Variants in MOV10L1 observed in about 807,000 individuals in gnomAD.
The protein encoded by MOV10L1 is RNA helicase Mov10l1.
MOV10L1 carries 110 observed loss-of-function variants against 143.8 expected under a neutral mutation model. That is an observed-to-expected ratio of 0.76 (90% CI 0.66 to 0.90). MOV10L1 has a LOEUF of 0.90. MOV10L1 is among the 40% of genes least tolerant of loss of function. MOV10L1 has a pLI of 0.00. For missense variants in MOV10L1, 1,406 were observed against 1,526.8 expected, an observed-to-expected ratio of 0.92 and a Z score of 1.32; for synonymous variants, 593 against 581.1, an observed-to-expected ratio of 1.02 and a Z score of -0.29.
intron 2 of MOV10L1, among the ~76,000 whole-genome samples, chr22:50,096,794 T>A (rs78500700): frequency 0.027 from 4,057 of 152,322 alleles, 80 homozygotes; most frequent in Non-Finnish European, 0.038. Context: ...TGGAGAAATA[T>A]CTACTCAAAT....
In MOV10L1 at chr22:50,159,909, G is replaced by A. The variant is rs1409380843; in HGVS notation, c.3324+124G>A. ...GCCCAGAGAAGCAGCTGCAGGCGGA[G>A]ACTCCCTAGGTCCAGGAGCCATTGT... On this transcript the variant is annotated intron_variant, in intron 24 of 26. Coordinates refer to ENST00000262794, the MANE Select transcript of MOV10L1 (RefSeq NM_018995.3). The surrounding 1 kb of genome is among the most constrained non-coding windows in gnomAD (Gnocchi z 4.1). 1 of 649,380 alleles carries A rather than the reference G, an allele frequency of 1.5e-6. No individual in the cohort carries two copies. The highest frequency in any genetic ancestry group is 2.7e-6 in the Non-Finnish European group (1 of 370,048). 40.2% of individuals were successfully genotyped at this position (649,380 alleles called of 1,614,324 possible). A position where few individuals can be genotyped will look rare whatever the true frequency, so the allele number is the denominator to read the frequency against.
chr22:50,144,603 A>G (rs2063087618), intron 18 of MOV10L1, among the ~76,000 whole-genome samples: 1 of 147,472 alleles, frequency 6.8e-6, no homozygotes, highest in Non-Finnish European at 1.5e-5. Context: ...TTTTTTTGAG[A>G]CGGAGTCTCG....
Position 50,144,136 on chromosome 22 carries a change from G to A in MOV10L1, c.2398G>A (p.Ala800Thr), listed in dbSNP as rs1426326697. 1 of 1,613,288 alleles carries A rather than the reference G, an allele frequency of 6.2e-7. No individual in the cohort carries two copies. Among genetic ancestry groups the A allele is most frequent in the Admixed American group, 1.7e-5 (1 of 60,020 alleles). Residue 800 changes from alanine to threonine, a missense_variant, in exon 18 of 27, where the codon GCG (alanine) becomes ACG (threonine). Ala to Thr is a moderately conservative substitution (Grantham distance 58). Around this residue, in one of 3 missense-constraint regions of MOV10L1, gnomAD observed 1,233 missense variants for 1,351.4 expected, o/e 0.91. Coordinates refer to ENST00000262794, the MANE Select transcript of MOV10L1 (RefSeq NM_018995.3). ...ALPDSRILVC[A>T]PSNSAADLVC... The stretch of plus-strand genomic sequence containing the variant: ...GCCGGACAGTCGGATTTTAGTCTGT[G>A]CGCCCTCCAACAGTGCTGCTGACCT...
intron 15 of MOV10L1, among the ~76,000 whole-genome samples, chr22:50,135,560 G>T (rs575781057): frequency 7.6e-4 from 115 of 151,844 alleles, no homozygotes; most frequent in African/African-American, 2.7e-3. Context: ...AGACCAGCCT[G>T]GCCAAGATGG....
chr22:50,125,356 C>G, intron 10 of MOV10L1, 36 bp from the exon 11 acceptor site: 1 of 1,597,742 alleles, frequency 6.3e-7, no homozygotes, highest in Non-Finnish European at 8.6e-7. Flanking sequence ...TGCTGCTGAG[C>G]TGTTGCTGAC....
chr22:50,157,785 C>T (rs894895574), intron 22 of MOV10L1, among the ~76,000 whole-genome samples: 48 of 134,570 alleles, frequency 3.6e-4, no homozygotes, highest in African/African-American at 1.1e-3. Flanking sequence ...AAAAAAAGAT[C>T]AGAAATACCA....
chr22:50,154,389 C>T (rs948473458), intron 22 of MOV10L1, among the ~76,000 whole-genome samples: 3 of 151,834 alleles, frequency 2.0e-5, no homozygotes, highest in African/African-American at 7.3e-5. Context: ...AAACTCCCAT[C>T]TCTTAAAAAA....
chr22:50,096,863 G>A (rs534223126), intron 2 of MOV10L1, among the ~76,000 whole-genome samples: 1 of 152,042 alleles, frequency 6.6e-6, no homozygotes, highest in East Asian at 1.9e-4. Context: ...TATATATTCT[G>A]GATATTAATC....
At chr22:50,123,969 T>C (rs2062423891) in intron 10 of MOV10L1, among the ~76,000 whole-genome samples, 1 of 152,224 alleles carries the variant, frequency 6.6e-6, no homozygotes, top group Non-Finnish European at 1.5e-5. Flanking sequence ...TTTCCGTAGA[T>C]TCTGTAGTAA....
At position 50,090,021 on chromosome 22, in the gene MOV10L1, C is replaced by T. The variant is rs1226148596; in HGVS notation, c.-68C>T. The T allele has an allele frequency of 3.0e-5, 34 of 1,132,196 alleles. 1 individual carries two copies. Among genetic ancestry groups the T allele is most frequent in the Non-Finnish European group, 3.6e-5 (33 of 919,986 alleles). The allele number at this position is 1,132,196 out of a possible 1,614,324, so 70.1% of individuals were successfully genotyped here. On this transcript the variant is annotated 5_prime_UTR_variant, in exon 1 of 27. Coordinates refer to ENST00000262794, the MANE Select transcript of MOV10L1 (RefSeq NM_018995.3). ...CGGCGACCCCATTGGTGGCGGGCGG[C>T]GGGAGCGGCGCGGGCGCGTGCGGGC...
At chr22:50,130,272 C>CA (rs2062633681) in intron 13 of MOV10L1, among the ~76,000 whole-genome samples, 1 of 151,518 alleles carries the variant, frequency 6.6e-6, no homozygotes, top group African/African-American at 2.4e-5. Context: ...GACTCTGTCT[C>CA]AAAAAATAAA....
intron 15 of MOV10L1, among the ~76,000 whole-genome samples, chr22:50,141,764 C>T (rs1025187059): frequency 2.6e-5 from 4 of 152,172 alleles, no homozygotes; most frequent in Admixed American, 6.5e-5. Flanking sequence ...ACTGTCCAGC[C>T]TGGAAAGCAG....
At chr22:50,094,079 T>C (rs918374169) in intron 2 of MOV10L1, 3 of 152,250 alleles carry the variant, frequency 2.0e-5, no homozygotes, top group Admixed American at 1.3e-4. Context: ...GCATATGGTA[T>C]TTTTCTGGCT....
At position 50,149,609 on chromosome 22, in the gene MOV10L1, C is replaced by T; in HGVS notation, c.2628-6C>T. 6.2e-7 allele frequency: 1 copy of T among 1,613,560 alleles called. No individual in the cohort carries two copies. Among genetic ancestry groups the T allele is most frequent in the Non-Finnish European group, 8.5e-7 (1 of 1,179,514 alleles). ...GAAATTACCATTTAGAACATCTTTG[C>T]TCTAGAGTTGGGCACTTCACTCACG... On this transcript the variant is annotated splice_region_variant and splice_polypyrimidine_tract_variant and intron_variant, in intron 19 of 26. Transcript: ENST00000262794.
intron 2 of MOV10L1, among the ~76,000 whole-genome samples, chr22:50,092,442 G>A (rs1181830392): frequency 6.6e-6 from 1 of 152,060 alleles, no homozygotes; most frequent in African/African-American, 2.4e-5. Flanking sequence ...GACCAGCCTG[G>A]GCAGCATGGT....
rs376805116 is a variant in MOV10L1, at chr22:50,149,756, G to A, written c.2727+42G>A. ...GTGTGTGCTGCTTCCTCCTCACCCCGTTCTCCTGAGGGGATGCAGGCTGCG... is the reference window on the plus strand; with the variant it reads ...GTGTGTGCTGCTTCCTCCTCACCCCATTCTCCTGAGGGGATGCAGGCTGCG... On this transcript the variant is annotated intron_variant, in intron 20 of 26. Transcript: ENST00000262794. The A allele has an allele frequency of 1.1e-4, 162 of 1,541,554 alleles. 2 individuals are homozygous for A. The highest frequency in any genetic ancestry group is 8.6e-4 in the South Asian group (75 of 86,850).
intron 13 of MOV10L1, among the ~76,000 whole-genome samples, chr22:50,129,970 C>A (rs2062625253): frequency 6.6e-6 from 1 of 152,036 alleles, no homozygotes; most frequent in South Asian, 2.1e-4. Context: ...AGATTTCTTC[C>A]TTATCTTTTA....
At chr22:50,111,477 C>T (rs1370524054) in intron 5 of MOV10L1, among the ~76,000 whole-genome samples, 1 of 128,024 alleles carries the variant, frequency 7.8e-6, no homozygotes, top group Non-Finnish European at 1.6e-5. Context: ...GGTCCCGACT[C>T]TGTCTTTGCT....
chr22:50,134,465 C>T, intron 14 of MOV10L1, 65 bp from the exon 15 acceptor site: 5 of 1,329,008 alleles, frequency 3.8e-6, no homozygotes, highest in Non-Finnish European at 5.4e-6. Context: ...CCATAAACAA[C>T]CTCTATTAAT....
Sources: allele counts gnomAD v4.1 joint callset (sites outside exome capture counted in the v4.1 genomes callset), GRCh38; gene constraint gnomAD v4.1.1; regional missense constraint gnomAD v4.1.1; non-coding constraint Gnocchi (gnomAD v3.1); transcripts MANE v1.5; gene names NCBI Gene and HGNC (gene_info 2026-07-23, HGNC 2026-07-21).